Variants in DSCAM observed in about 807,000 individuals in gnomAD.
DSCAM encodes cell adhesion molecule DSCAM.
A neutral mutation model predicts 217.7 loss-of-function variants in DSCAM; 47 were observed. That is an observed-to-expected ratio of 0.22 (90% CI 0.17 to 0.28). The LOEUF (loss-of-function observed/expected upper bound fraction) is 0.28. DSCAM is among the 10% of genes least tolerant of loss of function. The probability of loss-of-function intolerance (pLI) is 1.00; values close to 1 mark genes in which losing one functional copy is unlikely to be tolerated. For synonymous variants in DSCAM, 1,056 were observed against 1,015.3 expected (o/e 1.04, Z -0.76); for missense variants, 2,080 against 2,618.3 (o/e 0.79, Z 4.49).
At chr21:40,029,184 T>C (rs2088467781) in intron 32 of DSCAM, among the ~76,000 whole-genome samples, 1 of 63,668 alleles carries the variant, frequency 1.6e-5, no homozygotes, top group Non-Finnish European at 3.4e-5. Context: ...TTTGAGCCAG[T>C]TGCAAACCTT....
chr21:40,334,051 A>G (rs1334720362), intron 8 of DSCAM, among the ~76,000 whole-genome samples: 8 of 152,120 alleles, frequency 5.3e-5, no homozygotes, highest in Non-Finnish European at 1.0e-4. Flanking sequence ...TTATTTTCAG[A>G]TATTTGGTGA....
chr21:40,220,084 G>A (rs1601454367), intron 11 of DSCAM, among the ~76,000 whole-genome samples: 2 of 152,140 alleles, frequency 1.3e-5, no homozygotes. Flanking sequence ...TTTGATCTTT[G>A]GTTTTAACTG....
chr21:40,290,423 C>T (rs1403296719), intron 10 of DSCAM, among the ~76,000 whole-genome samples: 1 of 152,108 alleles, frequency 6.6e-6, no homozygotes, highest in African/African-American at 2.4e-5. Flanking sequence ...GAGTTCAAGA[C>T]CAGCCTGGCC....
chr21:40,243,815 A>G (rs931157573), intron 11 of DSCAM, among the ~76,000 whole-genome samples: 3 of 152,160 alleles, frequency 2.0e-5, no homozygotes, highest in African/African-American at 7.2e-5. Context: ...AGCAGCCACC[A>G]TTGCTTGTCA....
chr21:40,649,675 T>C (rs972340846), intron 3 of DSCAM, among the ~76,000 whole-genome samples: 91 of 152,112 alleles, frequency 6.0e-4, no homozygotes, highest in Non-Finnish European at 9.6e-4. Flanking sequence ...AGGGGAGGTC[T>C]CAGAAGCGCT....
intron 3 of DSCAM, among the ~76,000 whole-genome samples, chr21:40,610,677 C>T (rs1297565801): frequency 6.6e-6 from 1 of 152,198 alleles, no homozygotes; most frequent in Non-Finnish European, 1.5e-5. Flanking sequence ...ACCATGTCCA[C>T]GACCTCAGGG....
At chr21:40,736,599 T>C (rs796139291) in intron 1 of DSCAM, among the ~76,000 whole-genome samples, 3 of 152,248 alleles carry the variant, frequency 2.0e-5, no homozygotes, top group African/African-American at 7.2e-5. Context: ...CAGCCCCCCA[T>C]CCTGAAGGTA....
At chr21:40,725,194 C>A (rs1460512396) in intron 1 of DSCAM, among the ~76,000 whole-genome samples, 1 of 152,188 alleles carries the variant, frequency 6.6e-6, no homozygotes, top group African/African-American at 2.4e-5. Context: ...TCATGACTGC[C>A]AGCATCTCAT....
intron 1 of DSCAM, among the ~76,000 whole-genome samples, chr21:40,832,309 G>T (rs184592099): frequency 1.3e-5 from 2 of 152,222 alleles, no homozygotes; most frequent in East Asian, 3.9e-4. Context: ...TAACGAGTGC[G>T]AATCAAATGG....
chr21:40,721,546 A>G (rs181715792), intron 1 of DSCAM, among the ~76,000 whole-genome samples: 11 of 152,294 alleles, frequency 7.2e-5, no homozygotes, highest in Non-Finnish European at 1.5e-4. Flanking sequence ...AAGTTAGACA[A>G]ATAGGATTAA....
At chr21:40,341,477 T>C (rs954079443) in intron 6 of DSCAM, among the ~76,000 whole-genome samples, 1 of 152,194 alleles carries the variant, frequency 6.6e-6, no homozygotes, top group Non-Finnish European at 1.5e-5. Context: ...CAGTGAAATA[T>C]ACAGATCTTA....
chr21:40,650,821 G>C (rs1171821556), intron 3 of DSCAM, among the ~76,000 whole-genome samples: 1 of 152,216 alleles, frequency 6.6e-6, no homozygotes, highest in Non-Finnish European at 1.5e-5. Flanking sequence ...GGCTGAGGCA[G>C]AAGAATTGGT....
rs561286223 is a variant in DSCAM at position 40,274,552 on chromosome 21, T to G, written c.2356+1545A>C. ...TAAAATAACTGCAAAATACACCCCT[T>G]TCCTTGGGGAAAGATGGACCGACTC... On this transcript the variant is annotated intron_variant, in intron 11 of 32. Transcript: ENST00000400454. Among the ~76,000 whole-genome samples the G allele has an allele frequency of 3.3e-5, 5 of 152,356 alleles. No individual in the cohort carries two copies. In the South Asian group the frequency reaches 1.0e-3, roughly 32 times the overall value.
chr21:40,665,767 C>G (rs1347275225), intron 3 of DSCAM, among the ~76,000 whole-genome samples: 2 of 152,348 alleles, frequency 1.3e-5, no homozygotes, highest in South Asian at 2.1e-4. Flanking sequence ...AATGCCCAAT[C>G]CATCCACTTT....
chr21:40,703,835 G>A (rs116943478), intron 2 of DSCAM, among the ~76,000 whole-genome samples: 1,549 of 151,658 alleles, frequency 0.01, 8 homozygotes, highest in Non-Finnish European at 0.016. Flanking sequence ...CTTCCCTTGG[G>A]GCTTAATTTG....
intron 3 of DSCAM, among the ~76,000 whole-genome samples, chr21:40,600,962 T>C (rs2077057389): frequency 6.6e-6 from 1 of 152,236 alleles, no homozygotes; most frequent in African/African-American, 2.4e-5. Context: ...AGTCAGGTAA[T>C]GTCAGTTCTC....
chr21:40,175,838 C>T (rs1337506105), intron 15 of DSCAM, among the ~76,000 whole-genome samples: 1 of 151,414 alleles, frequency 6.6e-6, no homozygotes, highest in Non-Finnish European at 1.5e-5. Context: ...CACACACATA[C>T]TCTGCTCATT....
intron 27 of DSCAM, among the ~76,000 whole-genome samples, chr21:40,074,301 C>T (rs901363700): frequency 6.6e-6 from 1 of 152,128 alleles, no homozygotes; most frequent in Admixed American, 6.6e-5. Flanking sequence ...GAAAAAGTGG[C>T]TTAGTTAAAC....
chr21:40,161,426 A>ATTT (rs1257648727), intron 16 of DSCAM, among the ~76,000 whole-genome samples: 2 of 151,002 alleles, frequency 1.3e-5, no homozygotes, highest in African/African-American at 4.9e-5. Context: ...TTTTTTTAAA[A>ATTT]GCACCACCTC....
Sources: gnomAD v4.1 joint callset for allele counts (sites outside exome capture counted in the v4.1 genomes callset) on GRCh38, gnomAD v4.1.1 for gene constraint, MANE v1.5 for transcripts, NCBI Gene and HGNC (gene_info 2026-07-23, HGNC 2026-07-21) for gene names.